The following LINC00305 variants were observed in gnomAD, a reference collection of about 807,000 sequenced individuals.
LINC00305 encodes the protein long independently transcribed non-coding RNA 305.
intron 1 of LINC00305, among the ~76,000 whole-genome samples, chr18:64,143,572 A>ATATAT (rs1491215434): frequency 8.7e-5 from 1 of 11,450 alleles, no homozygotes; most frequent in African/African-American, 1.4e-4. Context: ...ATATATACAC[A>ATATAT]TATGTATATG....
At chr18:64,097,425 T>C (rs1192700658) in intron 3 of LINC00305, among the ~76,000 whole-genome samples, 1 of 152,106 alleles carries the variant, frequency 6.6e-6, no homozygotes, top group East Asian at 1.9e-4. Flanking sequence ...AGACAATGGA[T>C]TCTTATTGTC....
intron 1 of LINC00305, among the ~76,000 whole-genome samples, chr18:64,103,314 TG>T (rs2051275271): frequency 1.3e-5 from 2 of 151,514 alleles, no homozygotes; most frequent in Non-Finnish European, 2.9e-5. Flanking sequence ...TTGATTCCAC[TG>T]TTGAACTGAA....
At chr18:64,125,745 G>A (rs902062475) in intron 1 of LINC00305, among the ~76,000 whole-genome samples, 1 of 152,044 alleles carries the variant, frequency 6.6e-6, no homozygotes, top group Admixed American at 6.6e-5. Flanking sequence ...CCAAAACCAT[G>A]CAATGAAAAC....
At chr18:64,084,506 T>C (rs2051196183) in intron 3 of LINC00305, among the ~76,000 whole-genome samples, 1 of 152,228 alleles carries the variant, frequency 6.6e-6, no homozygotes, top group East Asian at 1.9e-4. Flanking sequence ...TAAAAAACAA[T>C]GTTGCTGACC....
At chr18:64,122,686 A>G (rs1323967344) in intron 1 of LINC00305, among the ~76,000 whole-genome samples, 1 of 152,040 alleles carries the variant, frequency 6.6e-6, no homozygotes, top group Non-Finnish European at 1.5e-5. Context: ...CGTGTTCCGT[A>G]TGAATATTAT....
At chr18:64,086,156 T>C (rs865823870) in intron 3 of LINC00305, among the ~76,000 whole-genome samples, 4 of 152,324 alleles carry the variant, frequency 2.6e-5, no homozygotes, top group South Asian at 2.1e-4. Flanking sequence ...GGCCCAAAAA[T>C]GTTCTAGTTA....
At chr18:64,112,720 G>A (rs1003091468) in intron 1 of LINC00305, among the ~76,000 whole-genome samples, 7 of 151,872 alleles carry the variant, frequency 4.6e-5, no homozygotes, top group Non-Finnish European at 7.4e-5. Context: ...CTCTAACCTG[G>A]GTGTCTTTCT....
intron 3 of LINC00305, among the ~76,000 whole-genome samples, chr18:64,091,940 G>A (rs1307640924): frequency 2.6e-5 from 4 of 152,190 alleles, no homozygotes; most frequent in Non-Finnish European, 5.9e-5. Flanking sequence ...TATCTGCCCT[G>A]ATAGTGGTAT....
At chr18:64,094,329 T>C (rs1164905979) in intron 3 of LINC00305, among the ~76,000 whole-genome samples, 1 of 152,114 alleles carries the variant, frequency 6.6e-6, no homozygotes, top group Non-Finnish European at 1.5e-5. Context: ...ACATGGAAAT[T>C]AAGGAAAGCA....
intron 1 of LINC00305, among the ~76,000 whole-genome samples, chr18:64,124,000 C>T (rs1482159990): frequency 6.6e-6 from 1 of 152,060 alleles, no homozygotes; most frequent in Non-Finnish European, 1.5e-5. Context: ...AGGCCCTTAC[C>T]AGATGCAGGT....
intron 1 of LINC00305, among the ~76,000 whole-genome samples, chr18:64,137,800 A>G (rs1167515054): frequency 6.6e-6 from 1 of 152,056 alleles, no homozygotes; most frequent in African/African-American, 2.4e-5. Flanking sequence ...CTAAAAAGGA[A>G]TTTATCTGAG....
At chr18:64,125,659 G>A (rs2051381782) in intron 1 of LINC00305, among the ~76,000 whole-genome samples, 1 of 151,774 alleles carries the variant, frequency 6.6e-6, no homozygotes, top group African/African-American at 2.4e-5. Context: ...AATTTGTCCT[G>A]TTATCCTCCT....
At chr18:64,136,211 T>C (rs1187279562) in intron 1 of LINC00305, among the ~76,000 whole-genome samples, 2 of 152,202 alleles carry the variant, frequency 1.3e-5, no homozygotes, top group Non-Finnish European at 2.9e-5. Context: ...GTGTGTATGA[T>C]ACAGGACTTG....
At chr18:64,146,583 A>ACCT (rs1568121225) in intron 1 of LINC00305, among the ~76,000 whole-genome samples, 2 of 152,164 alleles carry the variant, frequency 1.3e-5, no homozygotes, top group Non-Finnish European at 2.9e-5. Flanking sequence ...ACATCACAGA[A>ACCT]CACCTGACCA....
At chr18:64,148,670 T>G in intron 1 of LINC00305, 1 of 152,236 alleles carries the variant, frequency 6.6e-6, no homozygotes, top group Non-Finnish European at 1.5e-5. Context: ...AGAGCCACAC[T>G]TGAGGTTTTC....
intron 1 of LINC00305, among the ~76,000 whole-genome samples, chr18:64,130,685 A>G (rs1351031605): frequency 1.3e-5 from 2 of 152,214 alleles, no homozygotes; most frequent in African/African-American, 2.4e-5. Flanking sequence ...AATTCAGTAC[A>G]ATCTTCACAG....
chr18:64,089,166 G>A lies in LINC00305; in HGVS notation n.540+8668C>T, dbSNP rs151077223. Among the ~76,000 whole-genome samples the A allele has an allele frequency of 3.4e-4, 52 of 152,286 alleles. No individual in the cohort carries two copies. The East Asian group carries it at 5.0e-3, about 15-fold the overall frequency. ...TCCCCAGAGGTAGAGAGAGGGACCC[G>A]GTGGGAGGTGATTGGATCATGGGGG... On this transcript the variant is annotated intron_variant and non_coding_transcript_variant, in intron 3 of 3. Transcript: ENST00000666468.
intron 1 of LINC00305, among the ~76,000 whole-genome samples, chr18:64,107,452 A>C (rs2051295944): frequency 6.6e-6 from 1 of 152,184 alleles, no homozygotes; most frequent in Non-Finnish European, 1.5e-5. Context: ...AACTCTCTGA[A>C]ATCCTTCAAG....
chr18:64,123,947 T>C (rs1171740969), intron 1 of LINC00305, among the ~76,000 whole-genome samples: 3 of 152,072 alleles, frequency 2.0e-5, no homozygotes, highest in African/African-American at 7.2e-5. Context: ...TCTCACCACG[T>C]AATCTCTTGG....
Sources: gnomAD v4.1 joint callset for allele counts (sites outside exome capture counted in the v4.1 genomes callset) on GRCh38, gnomAD v4.1.1 for gene constraint, MANE v1.5 for transcripts, NCBI Gene and HGNC (gene_info 2026-07-23, HGNC 2026-07-21) for gene names.